TDRKH: variants seen among roughly 807,000 people sequenced by gnomAD.
TDRKH encodes tudor and KH domain-containing protein.
TDRKH carries 28 observed loss-of-function variants against 61.3 expected under a neutral mutation model. The observed-to-expected ratio is 0.46, with a 90% CI of 0.34 to 0.63. The LOEUF is 0.63. Among genes scored for constraint, TDRKH ranks in the 20% least tolerant of loss-of-function variants. TDRKH has a pLI of 0.01. For synonymous variants in TDRKH, 219 were observed against 244.4 expected (o/e 0.90, Z 0.97); for missense variants, 540 against 683.4 (o/e 0.79, Z 2.34).
downstream of TDRKH, chr1:151,768,095 T>C: frequency 6.2e-7 from 1 of 1,613,992 alleles, no homozygotes; most frequent in Non-Finnish European, 8.5e-7. Flanking sequence ...GACCCCCTGC[T>C]CCACCAGGAC....
chr1:151,785,697 T>G (rs1650247099), intron 1 of TDRKH, among the ~76,000 whole-genome samples: 1 of 152,210 alleles, frequency 6.6e-6, no homozygotes, highest in Admixed American at 6.5e-5. Flanking sequence ...CCTTGTAAAG[T>G]GATTTTAGAA....
downstream of TDRKH, chr1:151,771,579 T>G (rs528289133): frequency 3.6e-5 from 12 of 334,740 alleles, no homozygotes; most frequent in South Asian, 1.5e-3. Flanking sequence ...TAGGCTGTTT[T>G]TATCCATATA....
At position 151,774,072 on chromosome 1, in the gene TDRKH, C is replaced by T. The variant is rs746583214; in HGVS notation, c.*380G>A. 6 of 210,212 alleles carry T rather than the reference C, an allele frequency of 2.9e-5. No homozygotes were observed. Among genetic ancestry groups the T allele is most frequent in the Non-Finnish European group, 4.8e-5 (5 of 104,890 alleles). 13.0% of individuals were successfully genotyped at this position (210,212 alleles called of 1,614,324 possible). A position where few individuals can be genotyped will look rare whatever the true frequency, so the allele number is the denominator to read the frequency against. On this transcript the variant is annotated 3_prime_UTR_variant, in exon 13 of 13. Coordinates refer to ENST00000368824, the MANE Select transcript of TDRKH (RefSeq NM_001083965.2). ...CCGGAGGTGGAATGGGGGAGACACACTTGTAGCGTGGTAGTCCAATTTTTT... is the reference window on the plus strand; with the variant it reads ...CCGGAGGTGGAATGGGGGAGACACATTTGTAGCGTGGTAGTCCAATTTTTT...
At position 151,778,998 on chromosome 1, in the gene TDRKH, T is replaced by G; in HGVS notation, c.570A>C (p.Ile190=). 1 of 1,613,402 alleles carries G rather than the reference T, an allele frequency of 6.2e-7. No homozygotes were observed. Among genetic ancestry groups the G allele is most frequent in the Non-Finnish European group, 8.5e-7 (1 of 1,179,574 alleles). The change falls in exon 6 of 13, where the codon ATA becomes ATC. Residue 190 remains isoleucine (I), a synonymous_variant. Transcript: ENST00000368824. ...CTTCATCTTCTGAAACTTTCTCCAG[T>G]ATCAAATGCTGTGGAAAACAAGAGA... The part of the protein sequence containing the change: ...QKEVAAAKHL[I]LEKVSEDEEL...
intron 1 of TDRKH, 40 bp from the exon 2 acceptor site, chr1:151,783,089 C>T (rs1433511153): frequency 6.4e-7 from 1 of 1,570,720 alleles, no homozygotes; most frequent in Non-Finnish European, 8.6e-7. Flanking sequence ...AGGTTTCATC[C>T]AATCCTTTTA....
At chr1:151,769,734 TGGA>T (rs1476130605), downstream of TDRKH, among the ~76,000 whole-genome samples, 1 of 151,222 alleles carries the variant, frequency 6.6e-6, no homozygotes, top group Non-Finnish European at 1.5e-5. Flanking sequence ...GGCTGGGAGG[TGGA>T]GGTTGTAGCG....
chr1:151,783,243 C>A, intron 1 of TDRKH, 194 bp from the exon 2 acceptor site: 1 of 352,512 alleles, frequency 2.8e-6, no homozygotes. Context: ...CTAAGGTACA[C>A]ATAGAATTAA....
chr1:151,779,008 T>A lies in TDRKH; in HGVS notation c.562-2A>T. On this transcript the variant is annotated splice_acceptor_variant, in intron 5 of 12. Transcript: ENST00000368824. LOFTEE classifies it high-confidence loss of function. ...TGAAACTTTCTCCAGTATCAAATGCTGTGGAAAACAAGAGAAAGGATGATA... is the reference window on the plus strand; with the variant it reads ...TGAAACTTTCTCCAGTATCAAATGCAGTGGAAAACAAGAGAAAGGATGATA... The A allele has an allele frequency of 6.2e-7, 1 of 1,613,030 alleles. No homozygotes were observed.
At chr1:151,784,296 G>C (rs1650110932) in intron 1 of TDRKH, among the ~76,000 whole-genome samples, 1 of 152,104 alleles carries the variant, frequency 6.6e-6, no homozygotes, top group Non-Finnish European at 1.5e-5. Flanking sequence ...CTCTCTACTG[G>C]ATAGTCCCAT....
At chr1:151,774,839 C>A (rs753366473) in intron 11 of TDRKH, 33 bp from the exon 12 acceptor site, 1 of 1,609,616 alleles carries the variant, frequency 6.2e-7, no homozygotes, top group African/African-American at 1.3e-5. Context: ...AAAGGAGGAA[C>A]ATGTTGGCTT....
At chr1:151,776,374 G>A (rs1208600653) in intron 7 of TDRKH, 65 bp downstream of exon 7, 7 of 1,601,480 alleles carry the variant, frequency 4.4e-6, no homozygotes, top group Non-Finnish European at 6.0e-6. Flanking sequence ...GGGAAAGGAA[G>A]AGTACAATGA....
chr1:151,770,110 G>T (rs1648609160), downstream of TDRKH: 1 of 456,660 alleles, frequency 2.2e-6, no homozygotes, highest in African/African-American at 2.6e-5. Flanking sequence ...GGGAGACGGA[G>T]ACGGAGAGGG....
intron 10 of TDRKH, 25 bp downstream of exon 10, chr1:151,775,367 A>G: frequency 6.2e-7 from 1 of 1,602,600 alleles, no homozygotes; most frequent in Non-Finnish European, 8.5e-7. Flanking sequence ...AGATATGGCA[A>G]GCAGTGAGTG....
At chr1:151,790,140 C>CGGG (rs1462894010) in intron 1 of TDRKH, among the ~76,000 whole-genome samples, 1 of 152,132 alleles carries the variant, frequency 6.6e-6, no homozygotes, top group Admixed American at 6.5e-5. Flanking sequence ...GCTCCCGCAC[C>CGGG]GGGTCCGTTG....
At chr1:151,776,039 C>A (rs535561172) in intron 8 of TDRKH, 57 bp downstream of exon 8, 10 of 1,583,616 alleles carry the variant, frequency 6.3e-6, no homozygotes, top group African/African-American at 1.3e-5. Flanking sequence ...CAACAGCTCA[C>A]CACCCTATGG....
chr1:151,775,922 A>G lies in TDRKH; in HGVS notation c.1218-38T>C, dbSNP rs756689533. 8 of 1,601,046 alleles carry G rather than the reference A, an allele frequency of 5.0e-6. No individual in the cohort carries two copies. The East Asian group carries it at 1.8e-4, about 36-fold the overall frequency. ...AAACTAAAATTAGAATCCTGGGGCCAAAAACATCTTCTTACATTGCTGCTT... is the reference window on the plus strand; with the variant it reads ...AAACTAAAATTAGAATCCTGGGGCCGAAAACATCTTCTTACATTGCTGCTT... On this transcript the variant is annotated intron_variant, in intron 8 of 12. Coordinates refer to ENST00000368824, the MANE Select transcript of TDRKH (RefSeq NM_001083965.2).
chr1:151,777,162 A>G (rs1466771503), intron 6 of TDRKH, among the ~76,000 whole-genome samples: 2 of 152,238 alleles, frequency 1.3e-5, no homozygotes, highest in African/African-American at 4.8e-5. Flanking sequence ...AAGTATGTCT[A>G]GGCTGGGCAT....
Position 151,774,250 on chromosome 1 carries a change from A to G in TDRKH, c.*202T>C, listed in dbSNP as rs1457464711. Reference sequence around the variant, plus strand: ...ATCCTGCCAAAGACAGAAATACACAAAAAGCTTGAAAGTGCTCAATCTGAG... The same window carrying G: ...ATCCTGCCAAAGACAGAAATACACAGAAAGCTTGAAAGTGCTCAATCTGAG... On this transcript the variant is annotated 3_prime_UTR_variant, in exon 13 of 13. Transcript: ENST00000368824. The G allele has an allele frequency of 1.7e-6, 1 of 589,382 alleles. No homozygotes were observed. The highest frequency in any genetic ancestry group is 3.0e-6 in the Non-Finnish European group (1 of 336,398). The allele number at this position is 589,382 out of a possible 1,614,324, so 36.5% of individuals were successfully genotyped here.
At chr1:151,769,747 G>A (rs1444998592), downstream of TDRKH, among the ~76,000 whole-genome samples, 1 of 152,018 alleles carries the variant, frequency 6.6e-6, no homozygotes, top group Non-Finnish European at 1.5e-5. Flanking sequence ...AGGTTGTAGC[G>A]AGCCGAGATC....
Sources: gnomAD v4.1 joint callset for allele counts (sites outside exome capture counted in the v4.1 genomes callset) on GRCh38, gnomAD v4.1.1 for gene constraint, MANE v1.5 for transcripts, NCBI Gene and HGNC (gene_info 2026-07-23, HGNC 2026-07-21) for gene names.